Variants in RIMS1 observed in about 807,000 individuals in gnomAD.
The protein encoded by RIMS1 is regulating synaptic membrane exocytosis 1.
RIMS1 carries 83 observed loss-of-function variants against 214.1 expected under a neutral mutation model. That is an observed-to-expected ratio of 0.39 (90% confidence interval 0.32 to 0.47). The LOEUF is 0.47. Ranked by LOEUF, RIMS1 falls within the 20% of genes least tolerant of loss-of-function variation. The pLI is 0.99. For missense variants in RIMS1, 2,050 were observed against 2,161.8 expected (o/e 0.95, Z 1.03); for synonymous variants, 793 against 786.8 (o/e 1.01, Z -0.13).
intron 2 of RIMS1, among the ~76,000 whole-genome samples, chr6:72,048,781 G>A (rs1201419095): frequency 2.6e-5 from 4 of 152,202 alleles, no homozygotes; most frequent in Non-Finnish European, 5.9e-5. Context: ...TCTTATGTCT[G>A]AGATTAAACT....
At chr6:72,324,046 A>AGAT (rs2096312274) in intron 28 of RIMS1, among the ~76,000 whole-genome samples, 1 of 151,628 alleles carries the variant, frequency 6.6e-6, no homozygotes, top group Non-Finnish European at 1.5e-5. Context: ...ATAGATAGAT[A>AGAT]GATAGATAGA....
chr6:71,965,048 C>A (rs1482278726), intron 1 of RIMS1, among the ~76,000 whole-genome samples: 1 of 152,086 alleles, frequency 6.6e-6, no homozygotes, highest in East Asian at 1.9e-4. Flanking sequence ...TCTCTTAGGA[C>A]CAATGTGGAC....
intron 29 of RIMS1, among the ~76,000 whole-genome samples, chr6:72,362,172 C>G (rs1299726959): frequency 6.6e-6 from 1 of 151,536 alleles, no homozygotes; most frequent in East Asian, 1.9e-4. Context: ...TTTTTCATAC[C>G]AATCTTTCCC....
chr6:72,243,014 G>A (rs1278558784), intron 10 of RIMS1, among the ~76,000 whole-genome samples: 1 of 151,626 alleles, frequency 6.6e-6, no homozygotes, highest in Admixed American at 6.6e-5. Flanking sequence ...TATAGCCAGT[G>A]GGATATTTTC....
Position 72,400,507 on chromosome 6 carries a change from G to A in RIMS1, c.4872G>A (p.Trp1624Ter). ...CTCTATCTCTGCAGGTGATTGTCTGGGGAGACTATGGCAGAATGGACCACA... is the reference window on the plus strand; with the variant it reads ...CTCTATCTCTGCAGGTGATTGTCTGAGGAGACTATGGCAGAATGGACCACA... ...PQGKVLQVIVWGDYGRMDHKC... is the reference protein window; with the variant it reads ...PQGKVLQVIV The change falls in exon 34 of 34, where the codon TGG becomes TGA. Residue 1624 changes from tryptophan to a stop codon, truncating the protein, a stop_gained. Coordinates refer to ENST00000521978, the MANE Select transcript of RIMS1 (RefSeq NM_014989.7). LOFTEE classifies it high-confidence loss of function. The A allele has an allele frequency of 6.2e-7, 1 of 1,613,904 alleles. No homozygotes were observed. The highest frequency in any genetic ancestry group is 8.5e-7 in the Non-Finnish European group (1 of 1,179,816).
intron 2 of RIMS1, among the ~76,000 whole-genome samples, chr6:72,044,508 T>C (rs1379424784): frequency 6.6e-6 from 1 of 151,540 alleles, no homozygotes; most frequent in Non-Finnish European, 1.5e-5. Context: ...ATACCAAAAA[T>C]AACTAAATAA....
At chr6:72,035,549 A>G (rs1204217598) in intron 2 of RIMS1, among the ~76,000 whole-genome samples, 2 of 152,088 alleles carry the variant, frequency 1.3e-5, no homozygotes, top group African/African-American at 2.4e-5. Context: ...TTCAGCCCCC[A>G]TTTCTTCTCT....
intron 2 of RIMS1, among the ~76,000 whole-genome samples, chr6:72,049,832 C>T (rs1054092961): frequency 6.7e-6 from 1 of 150,052 alleles, no homozygotes; most frequent in Non-Finnish European, 1.5e-5. Flanking sequence ...CTAATATTTT[C>T]AGTTTTTTTC....
In RIMS1 at chr6:72,182,573, C is replaced by G; in HGVS notation, c.1102C>G (p.Pro368Ala). Residue 368 changes from proline to alanine, a missense_variant, in exon 6 of 34, where the codon CCG becomes GCG. This residue lies in a region of RIMS1 where 882 missense variants were observed against 828.9 expected (regional missense o/e 1.06). Transcript: ENST00000521978. ...GAACCTAGCTCGGTACCCGGTGAAACCGCCGCCTGAGGAGCAGCAGATGCG... is the reference window on the plus strand; with the variant it reads ...GAACCTAGCTCGGTACCCGGTGAAAGCGCCGCCTGAGGAGCAGCAGATGCG... Reference protein sequence around the residue: ...DPNLARYPVKPPPEEQQMRMH... With the variant: ...DPNLARYPVKAPPEEQQMRMH... The G allele has an allele frequency of 6.5e-7, 1 of 1,549,782 alleles. No individual in the cohort carries two copies. Among genetic ancestry groups the G allele is most frequent in the Non-Finnish European group, 8.7e-7 (1 of 1,147,282 alleles).
chr6:72,002,440 G>T (rs1300898821), intron 2 of RIMS1, among the ~76,000 whole-genome samples: 3 of 152,086 alleles, frequency 2.0e-5, no homozygotes, highest in African/African-American at 7.2e-5. Context: ...GTTCAAAATA[G>T]CATCCTAAAG....
intron 19 of RIMS1, chr6:72,261,567 T>G (rs1380611237): frequency 4.2e-6 from 4 of 952,248 alleles, no homozygotes; most frequent in African/African-American, 1.8e-5. Flanking sequence ...ATATAGAAGT[T>G]AAGGAAGTAG....
intron 1 of RIMS1, among the ~76,000 whole-genome samples, chr6:71,919,576 T>A (rs1375435468): frequency 6.6e-6 from 1 of 152,026 alleles, no homozygotes; most frequent in Admixed American, 6.6e-5. Flanking sequence ...ATGGTGAAAG[T>A]CATGAGAATG....
intron 1 of RIMS1, among the ~76,000 whole-genome samples, chr6:71,962,608 T>C (rs1159606327): frequency 1.3e-5 from 2 of 152,188 alleles, no homozygotes; most frequent in Non-Finnish European, 2.9e-5. Context: ...CTTCATCTTA[T>C]GGATAACAGT....
intron 6 of RIMS1, among the ~76,000 whole-genome samples, chr6:72,203,206 C>T (rs1416253603): frequency 6.6e-6 from 1 of 152,078 alleles, no homozygotes; most frequent in Non-Finnish European, 1.5e-5. Context: ...CCAGGATGGT[C>T]TCGATCTCCT....
intron 29 of RIMS1, among the ~76,000 whole-genome samples, chr6:72,379,253 A>T (rs556267469): frequency 2.2e-4 from 33 of 152,380 alleles, no homozygotes; most frequent in Middle Eastern, 3.4e-3. Flanking sequence ...CTGGGCTGTT[A>T]TGGCGACTCC....
At chr6:72,030,400 T>G (rs374382022) in intron 2 of RIMS1, among the ~76,000 whole-genome samples, 2 of 152,162 alleles carry the variant, frequency 1.3e-5, no homozygotes, top group East Asian at 3.9e-4. Context: ...TATTTTTACT[T>G]AAGCTGTTGT....
intron 2 of RIMS1, among the ~76,000 whole-genome samples, chr6:72,038,023 T>A (rs1820154922): frequency 2.1e-5 from 3 of 139,800 alleles, no homozygotes; most frequent in South Asian, 4.7e-4. Flanking sequence ...ATCTAACCTA[T>A]GATCCCAGCC....
At chr6:72,253,186 G>A (rs2154140725) in intron 16 of RIMS1, among the ~76,000 whole-genome samples, 1 of 152,184 alleles carries the variant, frequency 6.6e-6, no homozygotes, top group South Asian at 2.1e-4. Context: ...GCATTTCTAT[G>A]ATTTTCCTTC....
At chr6:72,233,529 T>A (rs1376623350) in intron 6 of RIMS1, among the ~76,000 whole-genome samples, 1 of 150,990 alleles carries the variant, frequency 6.6e-6, no homozygotes, top group Non-Finnish European at 1.5e-5. Context: ...TGTACATTTA[T>A]ATGTTTCCAG....
Sources: gnomAD v4.1 joint callset for allele counts (sites outside exome capture counted in the v4.1 genomes callset) on GRCh38, gnomAD v4.1.1 for gene constraint, gnomAD v4.1.1 regional missense constraint, MANE v1.5 for transcripts, NCBI Gene and HGNC (gene_info 2026-07-23, HGNC 2026-07-21) for gene names.